CCSER1: variants seen among roughly 807,000 people sequenced by gnomAD.
CCSER1 encodes coiled-coil serine rich protein 1.
Under a neutral mutation model 82.0 loss-of-function variants are expected in CCSER1, and 41 were observed. The ratio of observed to expected loss-of-function variants is 0.50; its 90% CI spans 0.39 to 0.65. The LOEUF is 0.65. Ranked by LOEUF, CCSER1 falls within the 30% of genes least tolerant of loss-of-function variation. The pLI is 0.00. For missense variants in CCSER1, 1,119 were observed against 1,064.2 expected (o/e 1.05, Z -0.72); for synonymous variants, 414 against 383.9 (o/e 1.08, Z -0.92).
At chr4:90,962,750 C>T (rs1734171836) in intron 9 of CCSER1, among the ~76,000 whole-genome samples, 1 of 152,120 alleles carries the variant, frequency 6.6e-6, no homozygotes, top group African/African-American at 2.4e-5. Context: ...TCTTACCTTT[C>T]ACCTTCTAGC....
intron 9 of CCSER1, among the ~76,000 whole-genome samples, chr4:91,036,530 T>C (rs929978127): frequency 1.4e-4 from 21 of 152,124 alleles, no homozygotes; most frequent in African/African-American, 4.6e-4. Flanking sequence ...TACCAGCCAT[T>C]CATTTGTTCA....
chr4:90,381,272 C>G (rs996565568), intron 3 of CCSER1, among the ~76,000 whole-genome samples: 5 of 152,152 alleles, frequency 3.3e-5, no homozygotes, highest in African/African-American at 1.2e-4. Flanking sequence ...TCCTGAATTA[C>G]TTTGGATTAT....
chr4:91,533,079 T>G (rs1761116470), intron 10 of CCSER1, among the ~76,000 whole-genome samples: 1 of 152,200 alleles, frequency 6.6e-6, no homozygotes, highest in Non-Finnish European at 1.5e-5. Context: ...CAAAGATTAA[T>G]GCATTTAAAT....
At chr4:91,322,992 G>A (rs1746296966) in intron 10 of CCSER1, among the ~76,000 whole-genome samples, 1 of 152,158 alleles carries the variant, frequency 6.6e-6, no homozygotes, top group African/African-American at 2.4e-5. Flanking sequence ...TCTCTTTTAA[G>A]ATACAGTAAG....
chr4:91,197,500 T>G (rs1288027648), intron 10 of CCSER1, among the ~76,000 whole-genome samples: 3 of 152,184 alleles, frequency 2.0e-5, no homozygotes, highest in East Asian at 1.9e-4. Context: ...GAAACTGAAT[T>G]TCTTACTTTA....
intron 5 of CCSER1, among the ~76,000 whole-genome samples, chr4:90,506,929 C>G (rs575919408): frequency 2.0e-5 from 3 of 152,084 alleles, no homozygotes; most frequent in Non-Finnish European, 2.9e-5. Flanking sequence ...TAATTTGGTT[C>G]TGTTCCTAAA....
At chr4:90,782,726 G>A (rs1185635497) in intron 7 of CCSER1, among the ~76,000 whole-genome samples, 2 of 135,940 alleles carry the variant, frequency 1.5e-5, no homozygotes, top group Admixed American at 1.6e-4. Context: ...CTGTCGCCCG[G>A]GCTGGAGTGC....
At chr4:91,087,938 TA>T (rs1055029631) in intron 10 of CCSER1, among the ~76,000 whole-genome samples, 1 of 152,100 alleles carries the variant, frequency 6.6e-6, no homozygotes, top group Non-Finnish European at 1.5e-5. Flanking sequence ...AAGTATGTTG[TA>T]AAAACTGTTC....
chr4:91,020,925 G>T (rs1240055519), intron 9 of CCSER1, among the ~76,000 whole-genome samples: 1 of 152,058 alleles, frequency 6.6e-6, no homozygotes, highest in Non-Finnish European at 1.5e-5. Context: ...TAATGGAAAG[G>T]TTAAAACATT....
intron 8 of CCSER1, among the ~76,000 whole-genome samples, chr4:90,872,594 T>C (rs1766672999): frequency 2.0e-5 from 3 of 151,998 alleles, no homozygotes; most frequent in Admixed American, 2.0e-4. Context: ...GTTGTAGTTA[T>C]TACTTTCGAT....
At chr4:91,224,685 C>T (rs554566677) in intron 10 of CCSER1, among the ~76,000 whole-genome samples, 1 of 152,206 alleles carries the variant, frequency 6.6e-6, no homozygotes, top group Admixed American at 6.5e-5. Context: ...TTGAACATTA[C>T]ATTCCAAATA....
chr4:90,158,868 G>T (rs1728866439), intron 1 of CCSER1, among the ~76,000 whole-genome samples: 1 of 152,052 alleles, frequency 6.6e-6, no homozygotes, highest in African/African-American at 2.4e-5. Context: ...GGCTCGCGCA[G>T]GGTGTGCTGC....
At chr4:91,250,452 T>G (rs1740166760) in intron 10 of CCSER1, among the ~76,000 whole-genome samples, 1 of 152,134 alleles carries the variant, frequency 6.6e-6, no homozygotes, top group Admixed American at 6.6e-5. Context: ...ATTTCCTGTT[T>G]AATTTTACAG....
chr4:90,695,384 TA>T (rs1316495641), intron 6 of CCSER1, among the ~76,000 whole-genome samples: 8 of 151,984 alleles, frequency 5.3e-5, no homozygotes, highest in Admixed American at 5.3e-4. Flanking sequence ...TAATAACACT[TA>T]CTATTATTGC....
intron 9 of CCSER1, among the ~76,000 whole-genome samples, chr4:90,952,030 TA>T (rs1213796265): frequency 6.6e-6 from 1 of 151,998 alleles, no homozygotes; most frequent in African/African-American, 2.4e-5. Context: ...GGTGGAATAT[TA>T]AGAAAAACTA....
chr4:90,993,649 C>G (rs1189308038), intron 9 of CCSER1, among the ~76,000 whole-genome samples: 1 of 151,904 alleles, frequency 6.6e-6, no homozygotes, highest in Non-Finnish European at 1.5e-5. Flanking sequence ...AAATTTGGTT[C>G]CTGATGAGGC....
intron 8 of CCSER1, among the ~76,000 whole-genome samples, chr4:90,914,452 C>A (rs960451657): frequency 6.6e-6 from 1 of 152,052 alleles, no homozygotes; most frequent in Non-Finnish European, 1.5e-5. Context: ...CCAATGAGAA[C>A]AAAGACACAA....
chr4:91,355,183 T>C (rs1460866832), intron 10 of CCSER1, among the ~76,000 whole-genome samples: 1 of 146,028 alleles, frequency 6.8e-6, no homozygotes, highest in Non-Finnish European at 1.5e-5. Flanking sequence ...CACATAAATA[T>C]GATTTTTGAC....
chr4:90,657,342 T>C (rs1729881425), intron 6 of CCSER1, among the ~76,000 whole-genome samples: 1 of 152,152 alleles, frequency 6.6e-6, no homozygotes, highest in Non-Finnish European at 1.5e-5. Flanking sequence ...CTTTTAACCT[T>C]TTTCTTTGGC....
Sources: gnomAD v4.1 joint callset for allele counts (sites outside exome capture counted in the v4.1 genomes callset) on GRCh38, gnomAD v4.1.1 for gene constraint, MANE v1.5 for transcripts, NCBI Gene and HGNC (gene_info 2026-07-23, HGNC 2026-07-21) for gene names.